DENND2B: variants seen among roughly 807,000 people sequenced by gnomAD.
DENND2B encodes DENN domain containing 2B, also known as DENN domain-containing protein 2B.
In DENND2B, 32 loss-of-function variants were observed where a neutral mutation model predicts 116.0. The observed-to-expected ratio is 0.28, with a 90% CI of 0.21 to 0.37. The LOEUF (loss-of-function observed/expected upper bound fraction) is 0.37, where lower values mean the gene tolerates loss of function less well. Ranked by LOEUF, DENND2B falls within the 10% of genes least tolerant of loss-of-function variation. The pLI, the probability that DENND2B is intolerant of heterozygous loss-of-function variation, is 1.00. For missense variants in DENND2B, 1,276 were observed against 1,477.7 expected, an observed-to-expected ratio of 0.86 and a Z score of 2.24; for synonymous variants, 588 against 583.9, an observed-to-expected ratio of 1.01 and a Z score of -0.10.
intron 4 of DENND2B, among the ~76,000 whole-genome samples, chr11:8,820,994 T>C (rs755392247): frequency 1.3e-5 from 2 of 152,072 alleles, no homozygotes; most frequent in African/African-American, 2.4e-5. Flanking sequence ...TGATGGCGCA[T>C]GCCTTAATTC....
At chr11:8,726,430 G>A (rs7110224) in intron 3 of DENND2B, 10,710 of 478,386 alleles carry the variant, frequency 0.022, 217 homozygotes, top group Non-Finnish European at 0.026. Flanking sequence ...GAATAATACC[G>A]CTATTAGATA....
chr11:8,892,939 A>T (rs1358146266), intron 1 of DENND2B, among the ~76,000 whole-genome samples: 1 of 152,196 alleles, frequency 6.6e-6, no homozygotes, highest in Admixed American at 6.5e-5. Context: ...GCAGAGACAC[A>T]ACAAAAAAAG....
chr11:8,903,388 G>A (rs1005883865), intron 1 of DENND2B, among the ~76,000 whole-genome samples: 2 of 149,890 alleles, frequency 1.3e-5, no homozygotes, highest in African/African-American at 4.9e-5. Flanking sequence ...CTGCATTCCA[G>A]CCTGGGTGAC....
At chr11:8,856,162 A>C (rs1242775648) in intron 3 of DENND2B, among the ~76,000 whole-genome samples, 2 of 152,234 alleles carry the variant, frequency 1.3e-5, no homozygotes, top group Non-Finnish European at 2.9e-5. Flanking sequence ...TTCCATTAAT[A>C]ACATTTGATG....
Position 8,712,051 on chromosome 11 carries a change from G to A in DENND2B, c.2172+500C>T, listed in dbSNP as rs1363514550. On this transcript the variant is annotated intron_variant, in intron 9 of 19. Transcript: ENST00000313726. This position sits in a 1 kb window ranked among gnomAD's most constrained non-coding sequence, Gnocchi z 4.4. ...AAAGCACATTCCTGGCAGAGGCAAT[G>A]GCAGAGAGAGAGGGGTTGAGTGTGA... 4.4e-6 allele frequency: 2 copies of A among 453,500 alleles called. No individual in the cohort carries two copies. The highest frequency in any genetic ancestry group is 6.9e-5 in the East Asian group (1 of 14,390). The allele number at this position is 453,500 out of a possible 1,614,324, so 28.1% of individuals were successfully genotyped here. A position where few individuals can be genotyped will look rare whatever the true frequency, so the allele number is the denominator to read the frequency against.
chr11:8,804,119 C>T (rs2060606370), intron 1 of DENND2B, among the ~76,000 whole-genome samples: 2 of 152,212 alleles, frequency 1.3e-5, no homozygotes, highest in African/African-American at 2.4e-5. Flanking sequence ...ACAAGGACTA[C>T]CTCAGACTCA....
At chr11:8,858,966 G>A (rs1288016508) in intron 2 of DENND2B, among the ~76,000 whole-genome samples, 1 of 152,192 alleles carries the variant, frequency 6.6e-6, no homozygotes, top group East Asian at 1.9e-4. Flanking sequence ...ATAAATGCTA[G>A]TACTTCAAAG....
Position 8,774,909 on chromosome 11 carries a change from C to G in DENND2B, c.-25-24184G>C, listed in dbSNP as rs2134208872. Among the ~76,000 whole-genome samples the G allele has an allele frequency of 2.0e-5, 3 of 149,410 alleles. No homozygotes were observed. The Middle Eastern group carries it at 0.01, about 515-fold the overall frequency. On this transcript the variant is annotated intron_variant, in intron 1 of 19. Coordinates refer to ENST00000313726, the MANE Select transcript of DENND2B (RefSeq NM_213618.2). ...TTTTCACTTTTTTTTGAGACAGAGT[C>G]TCTCTCTGTTGCCTAGGCTGCAGTG...
At chr11:8,905,413 T>C (rs1353053250) in intron 1 of DENND2B, among the ~76,000 whole-genome samples, 4 of 152,084 alleles carry the variant, frequency 2.6e-5, no homozygotes, top group African/African-American at 4.8e-5. Flanking sequence ...TAGAGTTAAA[T>C]GTAAAAACTA....
chr11:8,717,280 A>C (rs973543495), intron 5 of DENND2B, among the ~76,000 whole-genome samples: 1 of 152,106 alleles, frequency 6.6e-6, no homozygotes, highest in Non-Finnish European at 1.5e-5. Context: ...GGCTCTCCAA[A>C]TGTGGTTTGG....
chr11:8,710,909 G>T lies in DENND2B; in HGVS notation c.2288C>A (p.Thr763Asn). 1.9e-6 allele frequency: 3 copies of T among 1,614,086 alleles called. No homozygotes were observed. Among genetic ancestry groups the T allele is most frequent in the Non-Finnish European group, 2.5e-6 (3 of 1,180,002 alleles). ...TTCCCCAGTCAGCATGAAAGAAAAG[G>T]TCTCACTGGAACAAAGAGAGGTCTG... The part of the protein sequence containing the change: ...WLPVSEYSSE[T>N]FSFMLTGEDG... The change falls in exon 11 of 20, where the codon ACC (threonine) becomes AAC (asparagine). Residue 763 changes from threonine to asparagine, a missense_variant. By Grantham distance (65) the Thr-to-Asn change is moderately conservative. Coordinates refer to ENST00000313726, the MANE Select transcript of DENND2B (RefSeq NM_213618.2).
chr11:8,707,948 G>C lies in DENND2B; in HGVS notation c.2353-94C>G, dbSNP rs1249663882. 13 of 1,543,122 alleles carry C rather than the reference G, an allele frequency of 8.4e-6. No homozygotes were observed. The highest frequency in any genetic ancestry group is 1.1e-5 in the Non-Finnish European group (13 of 1,147,198). The stretch of plus-strand genomic sequence containing the variant: ...CTTTTCCTTGGGAACGGAGGAGTAA[G>C]GACTGCCCTTCTAGTGGAGGAAGAC... On this transcript the variant is annotated intron_variant, in intron 11 of 19. Coordinates refer to ENST00000313726, the MANE Select transcript of DENND2B (RefSeq NM_213618.2). The surrounding 1 kb of genome is among the most constrained non-coding windows in gnomAD (Gnocchi z 4.8).
chr11:8,909,453 G>T (rs1178687603), intron 1 of DENND2B, among the ~76,000 whole-genome samples: 1 of 151,978 alleles, frequency 6.6e-6, no homozygotes, highest in Admixed American at 6.6e-5. Flanking sequence ...AGGAGAAGGA[G>T]AAGGAGAAGG....
chr11:8,878,240 G>T (rs773445096), intron 2 of DENND2B, among the ~76,000 whole-genome samples: 6 of 152,120 alleles, frequency 3.9e-5, no homozygotes, highest in African/African-American at 1.4e-4. Context: ...GTTAAACATA[G>T]AATTACCATG....
At chr11:8,738,675 T>A (rs2049581677) in intron 2 of DENND2B, among the ~76,000 whole-genome samples, 1 of 152,208 alleles carries the variant, frequency 6.6e-6, no homozygotes, top group Admixed American at 6.5e-5. Context: ...GCAGTTTTGA[T>A]CCATCCTCTC....
At chr11:8,883,612 T>G (rs958033142) in intron 1 of DENND2B, among the ~76,000 whole-genome samples, 3 of 152,226 alleles carry the variant, frequency 2.0e-5, no homozygotes, top group African/African-American at 7.2e-5. Flanking sequence ...GCATACGTGC[T>G]GGGCCTATGA....
chr11:8,724,996 G>T (rs540377689), intron 4 of DENND2B, among the ~76,000 whole-genome samples: 3 of 152,244 alleles, frequency 2.0e-5, no homozygotes, highest in Non-Finnish European at 4.4e-5. Context: ...GGCACAAGGG[G>T]AAACCCGTGT....
At chr11:8,786,736 G>A (rs894019556) in intron 1 of DENND2B, among the ~76,000 whole-genome samples, 6 of 152,224 alleles carry the variant, frequency 3.9e-5, no homozygotes, top group African/African-American at 1.4e-4. Flanking sequence ...CTTGAGCCCA[G>A]GAGGTCGAGG....
rs572052212 is a variant in DENND2B at position 8,791,611 on chromosome 11, C to A, written c.-26+18906G>T. Among the ~76,000 whole-genome samples the A allele has an allele frequency of 4.5e-3, 687 of 151,696 alleles. 4 individuals carry two copies. Among genetic ancestry groups the A allele is most frequent in the African/African-American group, 0.016 (659 of 41,396 alleles). On this transcript the variant is annotated intron_variant, in intron 1 of 19. Coordinates refer to ENST00000313726, the MANE Select transcript of DENND2B (RefSeq NM_213618.2). Reference sequence around the variant, plus strand: ...TGAAACCCCATCTCTACTAAAAATACAAAAAATTAGCCGGGTATGGTGGCA... The same window carrying A: ...TGAAACCCCATCTCTACTAAAAATAAAAAAAATTAGCCGGGTATGGTGGCA...
Sources: gnomAD v4.1 joint callset for allele counts (sites outside exome capture counted in the v4.1 genomes callset) on GRCh38, gnomAD v4.1.1 for gene constraint, Gnocchi (gnomAD v3.1) non-coding constraint, MANE v1.5 for transcripts, NCBI Gene and HGNC (gene_info 2026-07-23, HGNC 2026-07-21) for gene names.